The following PCDH11Y variants were observed in gnomAD, a reference collection of about 807,000 sequenced individuals.
The protein encoded by PCDH11Y is protocadherin-11 Y-linked.
For synonymous variants in PCDH11Y, 9 were observed against 83.6 expected (o/e 0.11, Z 4.87); for missense variants, 12 against 224.8 (o/e 0.05, Z 6.05).
chrY:5,318,442 G>T, intron 2 of PCDH11Y, among the ~76,000 whole-genome samples: 1 of 32,700 alleles, frequency 3.1e-5, no homozygotes, highest in African/African-American at 1.2e-4. Flanking sequence ...AATATAAAGT[G>T]ATACGCAAGA....
intron 2 of PCDH11Y, among the ~76,000 whole-genome samples, chrY:5,397,818 C>G: frequency 3.0e-5 from 1 of 33,159 alleles, no homozygotes; most frequent in Non-Finnish European, 7.4e-5. Context: ...TACCGAGTAA[C>G]TGGGACTATA....
intron 4 of PCDH11Y, among the ~76,000 whole-genome samples, chrY:5,592,317 G>GT (rs2053463183): frequency 9.2e-5 from 3 of 32,465 alleles, no homozygotes; most frequent in African/African-American, 3.6e-4. Flanking sequence ...TTGAAAATAT[G>GT]TTTTTTCTGA....
exon 2 of PCDH11Y, chrY:5,098,241 C>A: frequency 2.5e-6 from 1 of 394,000 alleles, no homozygotes; most frequent in Admixed American, 7.8e-5. Flanking sequence ...GCCTCGATGT[C>A]ATTGAAACAC....
intron 4 of PCDH11Y, among the ~76,000 whole-genome samples, chrY:5,688,493 G>C: frequency 3.1e-5 from 1 of 32,642 alleles, no homozygotes; most frequent in Admixed American, 2.8e-4. Context: ...TAGGGTTGCT[G>C]TTATAATTAA....
chrY:5,359,474 T>C, intron 2 of PCDH11Y, among the ~76,000 whole-genome samples: 1 of 31,560 alleles, frequency 3.2e-5, no homozygotes, highest in Non-Finnish European at 7.6e-5. Context: ...GCAAGGTCTT[T>C]ATGACCTGTA....
chrY:5,282,268 T>A, intron 2 of PCDH11Y, among the ~76,000 whole-genome samples: 1 of 31,128 alleles, frequency 3.2e-5, no homozygotes, highest in Admixed American at 3.0e-4. Context: ...CTGTTTGCCA[T>A]GTGTTCAACT....
intron 2 of PCDH11Y, among the ~76,000 whole-genome samples, chrY:5,163,003 A>C: frequency 3.2e-5 from 1 of 31,492 alleles, no homozygotes; most frequent in Non-Finnish European, 7.7e-5. Flanking sequence ...AAGGTTAATG[A>C]ATCCAAGCAC....
chrY:5,255,258 A>G (rs2053008966), intron 2 of PCDH11Y, among the ~76,000 whole-genome samples: 1 of 31,360 alleles, frequency 3.2e-5, no homozygotes, highest in Non-Finnish European at 7.8e-5. Flanking sequence ...CATGAGTTCA[A>G]TTGTTTTCAT....
At chrY:5,124,930 C>T in intron 2 of PCDH11Y, among the ~76,000 whole-genome samples, 3 of 31,721 alleles carry the variant, frequency 9.5e-5, no homozygotes, top group Non-Finnish European at 2.3e-4. Context: ...ATGCTTCCTT[C>T]TCTCCCCCTC....
chrY:5,105,112 G>T (rs1602867649), downstream of PCDH11Y: 1 of 85,203 alleles, frequency 1.2e-5, no homozygotes, highest in Non-Finnish European at 1.6e-5. Flanking sequence ...CGTGGTGGCG[G>T]GCGCCTGTAG....
intron 1 of PCDH11Y, among the ~76,000 whole-genome samples, chrY:5,009,895 A>G: frequency 2.9e-5 from 1 of 33,948 alleles, no homozygotes; most frequent in Non-Finnish European, 7.3e-5. Flanking sequence ...TACTTCTCAT[A>G]TTATATATTT....
intron 4 of PCDH11Y, among the ~76,000 whole-genome samples, chrY:5,619,156 A>AT (rs2053497450): frequency 1.9e-4 from 6 of 30,993 alleles, no homozygotes; most frequent in East Asian, 1.7e-3. Flanking sequence ...GTAAATATGT[A>AT]TTTTTTTTTT....
intron 2 of PCDH11Y, among the ~76,000 whole-genome samples, chrY:5,385,335 T>C: frequency 6.7e-5 from 2 of 29,921 alleles, no homozygotes; most frequent in Non-Finnish European, 1.6e-4. Context: ...GTCCGCTGCA[T>C]TATTCTTATG....
intron 2 of PCDH11Y, among the ~76,000 whole-genome samples, chrY:5,321,987 A>G: frequency 3.2e-5 from 1 of 31,259 alleles, no homozygotes; most frequent in Non-Finnish European, 7.7e-5. Context: ...AAATTGAAAA[A>G]GTTCTCAGGA....
intron 3 of PCDH11Y, among the ~76,000 whole-genome samples, chrY:5,570,555 T>C (rs1602944609): frequency 3.2e-5 from 1 of 31,097 alleles, no homozygotes; most frequent in Non-Finnish European, 7.8e-5. Flanking sequence ...TAATCATATA[T>C]CTTTCAATAT....
At chrY:5,302,637 TCCC>T (rs2053084743) in intron 2 of PCDH11Y, among the ~76,000 whole-genome samples, 1 of 31,288 alleles carries the variant, frequency 3.2e-5, no homozygotes, top group African/African-American at 1.2e-4. Flanking sequence ...GAGTAGTGTT[TCCC>T]TGTGGACTCA....
intron 3 of PCDH11Y, among the ~76,000 whole-genome samples, chrY:5,050,843 A>AAT (rs2052650447): frequency 3.1e-5 from 1 of 31,920 alleles, no homozygotes; most frequent in African/African-American, 1.2e-4. Context: ...TGAAGACACA[A>AAT]ATATATATAT....
chrY:5,520,269 C>G (rs2053379281), intron 3 of PCDH11Y, among the ~76,000 whole-genome samples: 1 of 24,030 alleles, frequency 4.2e-5, no homozygotes, highest in African/African-American at 1.6e-4. Context: ...GTTGTGAATA[C>G]TCCTCTGTTC....
chrY:5,074,823 G>T, intron 1 of PCDH11Y, among the ~76,000 whole-genome samples: 3 of 31,747 alleles, frequency 9.4e-5, no homozygotes, highest in Non-Finnish European at 2.3e-4. Context: ...AAATATGAAT[G>T]TTTTGCCAAC....
Sources: gnomAD v4.1 joint callset for allele counts (sites outside exome capture counted in the v4.1 genomes callset) on GRCh38, gnomAD v4.1.1 for gene constraint, MANE v1.5 for transcripts, NCBI Gene and HGNC (gene_info 2026-07-23, HGNC 2026-07-21) for gene names.